The following RCOR1 variants were observed in gnomAD, a reference collection of about 807,000 sequenced individuals.
The protein encoded by RCOR1 is REST corepressor 1, also known as REST corepressor.
Under a neutral mutation model 64.0 loss-of-function variants are expected in RCOR1, and 12 were observed. The observed-to-expected ratio is 0.19, with a 90% CI of 0.12 to 0.30. RCOR1 has a LOEUF of 0.30. Among genes scored for constraint, RCOR1 ranks in the 10% least tolerant of loss-of-function variants. The pLI is 1.00. For synonymous variants in RCOR1, 279 were observed against 227.2 expected, an observed-to-expected ratio of 1.23 and a Z score of -2.05; for missense variants, 502 against 621.2, an observed-to-expected ratio of 0.81 and a Z score of 2.04.
chr14:102,656,824 G>A (rs2139935725), intron 2 of RCOR1, among the ~76,000 whole-genome samples: 1 of 150,946 alleles, frequency 6.6e-6, no homozygotes, highest in Middle Eastern at 3.4e-3. Flanking sequence ...CGCCCAGGGT[G>A]TAGTGCAGTC....
chr14:102,672,306 G>T (rs1880181952), intron 2 of RCOR1, among the ~76,000 whole-genome samples: 1 of 151,948 alleles, frequency 6.6e-6, no homozygotes, highest in Non-Finnish European at 1.5e-5. Context: ...TCCACCTCCT[G>T]TTACGCCATT....
intron 2 of RCOR1, among the ~76,000 whole-genome samples, chr14:102,632,484 C>T (rs912437147): frequency 1.3e-5 from 2 of 152,008 alleles, no homozygotes; most frequent in Non-Finnish European, 2.9e-5. Flanking sequence ...GGATTACAAG[C>T]GCGAGCCACC....
At chr14:102,653,124 A>G (rs1894625975) in intron 2 of RCOR1, among the ~76,000 whole-genome samples, 1 of 152,062 alleles carries the variant, frequency 6.6e-6, no homozygotes, top group African/African-American at 2.4e-5. Context: ...GGGTTTCACC[A>G]TGTTGGCAAG....
chr14:102,667,500 CAAT>C (rs765477130), intron 2 of RCOR1, among the ~76,000 whole-genome samples: 1 of 151,344 alleles, frequency 6.6e-6, no homozygotes, highest in African/African-American at 2.4e-5. Flanking sequence ...GACTCTGTCT[CAAT>C]AATAATAATA....
At chr14:102,593,999 A>G (rs1268259296) in intron 2 of RCOR1, among the ~76,000 whole-genome samples, 1 of 152,206 alleles carries the variant, frequency 6.6e-6, no homozygotes, top group Admixed American at 6.5e-5. Flanking sequence ...ATTGAGAAGC[A>G]TCAGAAGCTT....
At chr14:102,632,692 T>TTTTCCTTTTCCTTTTCC (rs1567415237) in intron 2 of RCOR1, among the ~76,000 whole-genome samples, 5 of 119,148 alleles carry the variant, frequency 4.2e-5, no homozygotes, top group Non-Finnish European at 8.8e-5. Context: ...TTCCTTTTCC[T>TTTTCCTTTTCCTTTTCC]TTTCCTTTCC....
At chr14:102,597,474 G>T (rs1320166885) in intron 2 of RCOR1, among the ~76,000 whole-genome samples, 1 of 150,850 alleles carries the variant, frequency 6.6e-6, no homozygotes, top group Admixed American at 6.6e-5. Flanking sequence ...GATTACAGAC[G>T]CACACCACCA....
intron 2 of RCOR1, among the ~76,000 whole-genome samples, chr14:102,609,262 T>G (rs1382730695): frequency 6.6e-6 from 1 of 151,674 alleles, no homozygotes; most frequent in Non-Finnish European, 1.5e-5. Flanking sequence ...AGGCTCGTCT[T>G]GAACTCCCGA....
chr14:102,659,154 G>A, intron 2 of RCOR1: 2 of 985,174 alleles, frequency 2.0e-6, no homozygotes, highest in Non-Finnish European at 2.4e-6. Flanking sequence ...CTTTTTATTT[G>A]ACTTTTTAAA....
chr14:102,628,467 C>G (rs762274982), intron 2 of RCOR1, among the ~76,000 whole-genome samples: 2 of 151,998 alleles, frequency 1.3e-5, no homozygotes, highest in Non-Finnish European at 2.9e-5. Flanking sequence ...TTCTCTCTCT[C>G]TCTCTCTTTT....
chr14:102,594,375 G>C (rs535578069), intron 2 of RCOR1, among the ~76,000 whole-genome samples: 1 of 152,192 alleles, frequency 6.6e-6, no homozygotes, highest in South Asian at 2.1e-4. Context: ...ACGCATACAT[G>C]TTTTTTCCTT....
At chr14:102,725,910 T>G (rs1896249222) in intron 11 of RCOR1, among the ~76,000 whole-genome samples, 1 of 152,154 alleles carries the variant, frequency 6.6e-6, no homozygotes, top group South Asian at 2.1e-4. Flanking sequence ...GAAGTAGGTA[T>G]TATCACTATG....
At chr14:102,671,202 C>T (rs1469914893) in intron 2 of RCOR1, among the ~76,000 whole-genome samples, 1 of 152,182 alleles carries the variant, frequency 6.6e-6, no homozygotes, top group Non-Finnish European at 1.5e-5. Context: ...TCTGTTCTGA[C>T]TCAGGTCATT....
At chr14:102,673,254 T>G (rs534094673) in intron 2 of RCOR1, among the ~76,000 whole-genome samples, 78 of 152,300 alleles carry the variant, frequency 5.1e-4, no homozygotes, top group African/African-American at 1.8e-3. Flanking sequence ...CTATTCAAAC[T>G]GGTTGATAGC....
chr14:102,671,419 G>T (rs539807139), intron 2 of RCOR1, among the ~76,000 whole-genome samples: 1 of 151,994 alleles, frequency 6.6e-6, no homozygotes, highest in Non-Finnish European at 1.5e-5. Flanking sequence ...AAAGAGACAG[G>T]GTCTCTCCCT....
intron 2 of RCOR1, among the ~76,000 whole-genome samples, chr14:102,652,076 G>C (rs763247617): frequency 6.6e-6 from 1 of 152,174 alleles, no homozygotes; most frequent in Non-Finnish European, 1.5e-5. Flanking sequence ...TATGAGCCTT[G>C]TAACTGGATT....
chr14:102,726,124 C>A (rs1229690269), intron 11 of RCOR1, among the ~76,000 whole-genome samples: 1 of 151,872 alleles, frequency 6.6e-6, no homozygotes, highest in Non-Finnish European at 1.5e-5. Flanking sequence ...GTCAGGAGTT[C>A]GAGACCAGCC....
chr14:102,635,337 C>G (rs1233700229), intron 2 of RCOR1, among the ~76,000 whole-genome samples: 2 of 152,052 alleles, frequency 1.3e-5, no homozygotes, highest in Non-Finnish European at 2.9e-5. Context: ...AAACCCATCT[C>G]TACTAAAAAT....
chr14:102,681,053 G>A (rs1438048467), intron 2 of RCOR1, among the ~76,000 whole-genome samples: 1 of 152,122 alleles, frequency 6.6e-6, no homozygotes, highest in Non-Finnish European at 1.5e-5. Context: ...TTAAAGATGG[G>A]AGATCTGGTG....
Sources: allele counts gnomAD v4.1 joint callset (sites outside exome capture counted in the v4.1 genomes callset), GRCh38; gene constraint gnomAD v4.1.1; transcripts MANE v1.5; gene names NCBI Gene and HGNC (gene_info 2026-07-23, HGNC 2026-07-21).